Variants in ACADS observed in about 807,000 individuals in gnomAD.
ACADS encodes acyl-CoA dehydrogenase short chain.
ACADS carries 28 observed loss-of-function variants against 46.8 expected under a neutral mutation model. That is an observed-to-expected ratio of 0.60 (90% CI 0.44 to 0.82). The LOEUF (loss-of-function observed/expected upper bound fraction) is 0.82. ACADS is among the 40% of genes least tolerant of loss of function. The pLI, the probability that ACADS is intolerant of heterozygous loss-of-function variation, is 0.00. For missense variants in ACADS, 528 were observed against 578.0 expected, an observed-to-expected ratio of 0.91 and a Z score of 0.89; for synonymous variants, 236 against 237.7, an observed-to-expected ratio of 0.99 and a Z score of 0.07.
intron 2 of ACADS, among the ~76,000 whole-genome samples, chr12:120,736,783 G>A (rs1383845560): frequency 6.6e-6 from 1 of 152,194 alleles, no homozygotes; most frequent in East Asian, 1.9e-4. Context: ...GGGCAGGACA[G>A]CTTGAATGAG....
intron 2 of ACADS, among the ~76,000 whole-genome samples, chr12:120,732,605 G>A (rs1347649079): frequency 1.7e-4 from 24 of 138,330 alleles, no homozygotes; most frequent in African/African-American, 2.5e-4. Context: ...GGGCAGAGGC[G>A]CTCCTCACAT....
intron 8 of ACADS, 30 bp from the exon 9 acceptor site, chr12:120,739,110 G>A: frequency 6.2e-7 from 1 of 1,613,028 alleles, no homozygotes; most frequent in Non-Finnish European, 8.5e-7. Flanking sequence ...TCCCCTCAAG[G>A]GAAGGCTCTG....
chr12:120,726,356 T>A (rs1883084129), intron 1 of ACADS, among the ~76,000 whole-genome samples: 1 of 152,048 alleles, frequency 6.6e-6, no homozygotes, highest in African/African-American at 2.4e-5. Context: ...TTGGGAGGAT[T>A]AAATCATAGG....
At chr12:120,727,268 G>A (rs1592933505) in intron 2 of ACADS, 79 bp downstream of exon 2, 2 of 1,577,884 alleles carry the variant, frequency 1.3e-6, no homozygotes, top group African/African-American at 1.3e-5. Flanking sequence ...ACAGTCAGCG[G>A]CACTCGGACT....
At position 120,738,805 on chromosome 12, in the gene ACADS, GT is replaced by G; in HGVS notation, c.934-14del. 1 of 1,613,886 alleles carries G rather than the reference GT, an allele frequency of 6.2e-7. No individual in the cohort carries two copies. Among genetic ancestry groups the G allele is most frequent in the Non-Finnish European group, 8.5e-7 (1 of 1,180,030 alleles). ...GGCAGCTGCTGACCTGTGGTGTGGG[GT>G]GGGGCTATTGCAGTTCAAGTTGGCA... On this transcript the variant is annotated splice_polypyrimidine_tract_variant and intron_variant, in intron 7 of 9. Transcript: ENST00000242592.
In ACADS at chr12:120,737,125, G is replaced by A. The variant is rs1409242138; in HGVS notation, c.350G>A (p.Ser117Asn). 2.2e-5 allele frequency: 35 copies of A among 1,586,680 alleles called. No individual in the cohort carries two copies. Among genetic ancestry groups the A allele is most frequent in the Non-Finnish European group, 3.0e-5 (35 of 1,165,438 alleles). Residue 117 changes from serine (S) to asparagine (N), a missense_variant, in exon 3 of 10, where the codon AGT becomes AAT. Physicochemically the swap from Ser to Asn is conservative, Grantham distance 46 (BLOSUM62 1). Transcript: ENST00000242592. ...RGCASTGVIM[S>N]VNNSLYLGPI... Reference sequence around the variant, plus strand: ...TGCGCCTCCACCGGAGTCATCATGAGTGTCAACAACGTGAGCCCCCTCCCA... The same window carrying A: ...TGCGCCTCCACCGGAGTCATCATGAATGTCAACAACGTGAGCCCCCTCCCA...
At chr12:120,734,268 A>T (rs1373701504) in intron 2 of ACADS, among the ~76,000 whole-genome samples, 2 of 152,204 alleles carry the variant, frequency 1.3e-5, no homozygotes, top group Non-Finnish European at 2.9e-5. Flanking sequence ...GGATGGGGAC[A>T]TCTTGGGCGG....
At position 120,737,042 on chromosome 12, in the gene ACADS, C is replaced by A. The variant is rs752181519; in HGVS notation, c.267C>A (p.Gly89=). ...CCATGGACGTGCCCGAGGAGCTTGGCGGTGCTGGCCTCGATTACCTGGCCT... is the reference window on the plus strand; with the variant it reads ...CCATGGACGTGCCCGAGGAGCTTGGAGGTGCTGGCCTCGATTACCTGGCCT... ...LLAMDVPEEL[G]GAGLDYLAYA... is the part of the protein sequence containing the mutation. The change falls in exon 3 of 10, where the codon GGC becomes GGA. Residue 89 remains glycine, a synonymous_variant. Transcript: ENST00000242592. 1 of 1,609,170 alleles carries A rather than the reference C, an allele frequency of 6.2e-7. No individual in the cohort carries two copies. Among genetic ancestry groups the A allele is most frequent in the Non-Finnish European group, 8.5e-7 (1 of 1,178,192 alleles).
chr12:120,736,773 G>A (rs1033797887), intron 2 of ACADS, among the ~76,000 whole-genome samples: 38 of 152,188 alleles, frequency 2.5e-4, no homozygotes, highest in Non-Finnish European at 2.4e-4. Context: ...GTGGAGGCGG[G>A]GGCAGGACAG....
chr12:120,736,905 G>T, intron 2 of ACADS, 81 bp from the exon 3 acceptor site: 1 of 1,488,314 alleles, frequency 6.7e-7, no homozygotes, highest in Non-Finnish European at 9.0e-7. Flanking sequence ...CACTGCCTCG[G>T]GGGCAGGAGG....
At chr12:120,730,921 G>A (rs189332610) in intron 2 of ACADS, among the ~76,000 whole-genome samples, 4 of 152,278 alleles carry the variant, frequency 2.6e-5, no homozygotes, top group Admixed American at 6.5e-5. Flanking sequence ...AGGCCTGACC[G>A]TGAGTCTTGG....
Position 120,739,027 on chromosome 12 carries a change from G to C in ACADS, c.1029+112G>C. ...CCCGTGGGTCAGAGGTGTGGGCCTG[G>C]GGTTTACAGCCCCATGGGGAGGCTC... On this transcript the variant is annotated intron_variant, in intron 8 of 9. Transcript: ENST00000242592. 3.1e-6 allele frequency: 5 copies of C among 1,588,828 alleles called. No individual in the cohort carries two copies. In the South Asian group the frequency reaches 5.5e-5, roughly 18 times the overall value.
chr12:120,739,226 C>A (rs1411658772), intron 9 of ACADS, 30 bp downstream of exon 9: 4 of 1,612,854 alleles, frequency 2.5e-6, no homozygotes, highest in African/African-American at 1.3e-5. Flanking sequence ...TCTGAGGGGG[C>A]CAGCTGCCCC....
At chr12:120,730,946 A>ATTTTTG (rs1347551040) in intron 2 of ACADS, among the ~76,000 whole-genome samples, 1 of 151,912 alleles carries the variant, frequency 6.6e-6, no homozygotes. Context: ...CTGCATATTT[A>ATTTTTG]TTTTTGTTTT....
At chr12:120,731,161 C>T (rs1355002323) in intron 2 of ACADS, among the ~76,000 whole-genome samples, 4 of 152,024 alleles carry the variant, frequency 2.6e-5, no homozygotes, top group South Asian at 2.1e-4. Flanking sequence ...ATGGGGGTCT[C>T]GCCATGTTGA....
chr12:120,730,225 C>T (rs905483344), intron 2 of ACADS, among the ~76,000 whole-genome samples: 3 of 152,276 alleles, frequency 2.0e-5, no homozygotes, highest in Admixed American at 2.0e-4. Flanking sequence ...TTGTTATCCG[C>T]CCGCCTGGGC....
chr12:120,737,321 C>T (rs1338149347), intron 3 of ACADS, 35 bp from the exon 4 acceptor site: 13 of 1,601,054 alleles, frequency 8.1e-6, no homozygotes, highest in Non-Finnish European at 1.1e-5. Context: ...GCGCCTGGGC[C>T]TGGGGCCTCC....
At chr12:120,726,022 T>A (rs558682189) in intron 1 of ACADS, 91 bp downstream of exon 1, 2 of 1,320,522 alleles carry the variant, frequency 1.5e-6, no homozygotes, top group African/African-American at 1.6e-5. Flanking sequence ...TCAGAGCCGC[T>A]GGCAGGCGGA....
chr12:120,726,666 CTT>C (rs1849795666), intron 1 of ACADS, among the ~76,000 whole-genome samples: 2 of 152,182 alleles, frequency 1.3e-5, no homozygotes. Context: ...GAGCTGAGGT[CTT>C]ATTACTGTTG....
Sources: allele counts gnomAD v4.1 joint callset (sites outside exome capture counted in the v4.1 genomes callset), GRCh38; gene constraint gnomAD v4.1.1; transcripts MANE v1.5; gene names NCBI Gene and HGNC (gene_info 2026-07-23, HGNC 2026-07-21).